The following KIAA1217 variants were observed in gnomAD, a reference collection of about 807,000 sequenced individuals.
The protein encoded by KIAA1217 is sickle tail protein homolog.
Under a neutral mutation model 163.9 loss-of-function variants are expected in KIAA1217, and 88 were observed. The observed-to-expected ratio is 0.54, with a 90% CI of 0.45 to 0.64. KIAA1217 has a LOEUF of 0.64. Among genes scored for constraint, KIAA1217 ranks in the 30% least tolerant of loss-of-function variants. The pLI is 0.00. For missense variants in KIAA1217, 2,372 were observed against 2,475.0 expected (o/e 0.96, Z 0.88); for synonymous variants, 903 against 923.1 (o/e 0.98, Z 0.39).
chr10:24,460,560 C>A (rs975978540), intron 5 of KIAA1217, among the ~76,000 whole-genome samples: 1 of 152,138 alleles, frequency 6.6e-6, no homozygotes, highest in African/African-American at 2.4e-5. Flanking sequence ...TTCCCTCAGA[C>A]AATCCTTTCT....
intron 9 of KIAA1217, among the ~76,000 whole-genome samples, chr10:24,509,382 C>T (rs1226231483): frequency 1.3e-5 from 2 of 152,182 alleles, no homozygotes; most frequent in Non-Finnish European, 2.9e-5. Context: ...CTCTTTAGTA[C>T]CCTCAGCAGG....
At chr10:24,235,884 C>T (rs368252427) in intron 2 of KIAA1217, among the ~76,000 whole-genome samples, 7 of 152,256 alleles carry the variant, frequency 4.6e-5, no homozygotes, top group African/African-American at 1.4e-4. Flanking sequence ...AGCATGGCTT[C>T]GTTTAGTTAG....
intron 1 of KIAA1217, among the ~76,000 whole-genome samples, chr10:24,000,592 AC>A (rs1274060812): frequency 1.3e-5 from 2 of 152,246 alleles, no homozygotes; most frequent in Non-Finnish European, 2.9e-5. Flanking sequence ...ATTGAGTAAC[AC>A]AATGTGTATC....
At position 24,546,810 on chromosome 10, in the gene KIAA1217, G is replaced by A. The variant is rs1322426017; in HGVS notation, c.*486G>A. ...AGCTTTATTACAGATTTCTATTTTTGTCAAAACTTCATGGTTCCTTTCAAG... is the reference window on the plus strand; with the variant it reads ...AGCTTTATTACAGATTTCTATTTTTATCAAAACTTCATGGTTCCTTTCAAG... On this transcript the variant is annotated 3_prime_UTR_variant, in exon 21 of 21. Transcript: ENST00000376454. 6.5e-6 allele frequency: 1 copy of A among 153,482 alleles called. No homozygotes were observed. Among genetic ancestry groups the A allele is most frequent in the Non-Finnish European group, 1.5e-5 (1 of 68,782 alleles). The allele number at this position is 153,482 out of a possible 1,614,324, so 9.5% of individuals were successfully genotyped here. A position where few individuals can be genotyped will look rare whatever the true frequency, so the allele number is the denominator to read the frequency against.
chr10:24,129,060 A>G (rs927990846), intron 2 of KIAA1217, among the ~76,000 whole-genome samples: 1 of 152,190 alleles, frequency 6.6e-6, no homozygotes, highest in African/African-American at 2.4e-5. Flanking sequence ...ACCTGAAGTC[A>G]TATGGGATGA....
intron 2 of KIAA1217, among the ~76,000 whole-genome samples, chr10:24,175,542 T>C (rs1282042008): frequency 1.3e-5 from 2 of 152,274 alleles, no homozygotes; most frequent in East Asian, 3.9e-4. Context: ...GCAAATGCCA[T>C]TCATTCATTC....
At chr10:24,001,857 A>G (rs1175771439) in intron 1 of KIAA1217, among the ~76,000 whole-genome samples, 1 of 152,180 alleles carries the variant, frequency 6.6e-6, no homozygotes, top group African/African-American at 2.4e-5. Context: ...TATGGTTTTC[A>G]CAGAAGAAAG....
chr10:24,039,149 G>A (rs1008044722), intron 2 of KIAA1217, among the ~76,000 whole-genome samples: 1 of 152,004 alleles, frequency 6.6e-6, no homozygotes, highest in African/African-American at 2.4e-5. Flanking sequence ...TTTTTTAGAG[G>A]TTCTCCAGCT....
chr10:24,545,415 G>T (rs1290865139), intron 20 of KIAA1217: 1 of 1,303,484 alleles, frequency 7.7e-7, no homozygotes, highest in African/African-American at 1.5e-5. Flanking sequence ...GGGAAGCAGA[G>T]ACAAACCAAC....
intron 2 of KIAA1217, among the ~76,000 whole-genome samples, chr10:24,251,625 G>A (rs2074549896): frequency 6.6e-6 from 1 of 151,922 alleles, no homozygotes; most frequent in African/African-American, 2.4e-5. Flanking sequence ...GTATTAAGAT[G>A]GGGCTCCCCC....
intron 16 of KIAA1217, among the ~76,000 whole-genome samples, 162 bp downstream of exon 16, chr10:24,533,399 C>A (rs1318646790): frequency 6.6e-6 from 1 of 152,248 alleles, no homozygotes; most frequent in Non-Finnish European, 1.5e-5. Flanking sequence ...CAAGATGGCG[C>A]TGAACAAGGC....
At chr10:23,818,016 TATATATACACAC>T (rs1837415748) in intron 1 of KIAA1217, among the ~76,000 whole-genome samples, 2 of 128,208 alleles carry the variant, frequency 1.6e-5, no homozygotes, top group African/African-American at 6.1e-5. Flanking sequence ...TATACACACA[TATATATACACAC>T]ATATATATAC....
intron 9 of KIAA1217, among the ~76,000 whole-genome samples, chr10:24,502,835 A>C (rs1297051885): frequency 6.6e-6 from 1 of 152,140 alleles, no homozygotes; most frequent in African/African-American, 2.4e-5. Flanking sequence ...TACTGAAAAA[A>C]AATTAGCCAG....
rs138164613 is a variant in KIAA1217, at chr10:24,273,880, G to C, written c.354+53971G>C. On this transcript the variant is annotated intron_variant, in intron 2 of 20. Transcript: ENST00000376454. ...AAAAAAAAAAAAAGTCCAAGTTACT[G>C]TTGCAGGGATTGGGACATCTTGCCT... Among the ~76,000 whole-genome samples, 150 of 151,254 alleles carry C rather than the reference G, an allele frequency of 9.9e-4. 2 individuals are homozygous for C. The highest frequency in any genetic ancestry group is 6.2e-3 in the East Asian group (32 of 5,140).
At position 23,695,744 on chromosome 10, in the gene KIAA1217, C is replaced by T. The variant is rs1042602578; in HGVS notation, c.-321+510C>T. On this transcript the variant is annotated intron_variant, in intron 1 of 18. Coordinates refer to the KIAA1217 transcript ENST00000376462. This position sits in a 1 kb window ranked among gnomAD's most constrained non-coding sequence, Gnocchi z 4.9. Reference sequence around the variant, plus strand: ...GGTGGGGACACTGGGGAGTTTGGAGCTGGGGGTTCGGAGTGGGAGGTTTGG... The same window carrying T: ...GGTGGGGACACTGGGGAGTTTGGAGTTGGGGGTTCGGAGTGGGAGGTTTGG... 5.9e-5 allele frequency among the ~76,000 whole-genome samples: 9 copies of T among 152,068 alleles called. No individual in the cohort carries two copies. Among genetic ancestry groups the T allele is most frequent in the African/African-American group, 1.7e-4 (7 of 41,422 alleles).
At chr10:23,755,834 C>G (rs76785674) in intron 1 of KIAA1217, among the ~76,000 whole-genome samples, 1 of 152,208 alleles carries the variant, frequency 6.6e-6, no homozygotes, top group Non-Finnish European at 1.5e-5. Context: ...TGAACCAGTA[C>G]TTTATTTCAC....
intron 2 of KIAA1217, among the ~76,000 whole-genome samples, chr10:24,251,843 C>T (rs1192216506): frequency 7.8e-6 from 1 of 128,106 alleles, no homozygotes; most frequent in Non-Finnish European, 1.6e-5. Context: ...TCCAAGTAAG[C>T]TTCTGCATCT....
rs1382616049 is a variant in KIAA1217 at position 24,080,428 on chromosome 10, G to A, written c.-171+73054G>A. On this transcript the variant is annotated intron_variant, in intron 2 of 18. Coordinates refer to the KIAA1217 transcript ENST00000376462. ...TTCAATGGCACATCTGTTTTCCTAAGCCATTAATGGATCCTTCCGGAAACA... is the reference window on the plus strand; with the variant it reads ...TTCAATGGCACATCTGTTTTCCTAAACCATTAATGGATCCTTCCGGAAACA... Among the ~76,000 whole-genome samples, 10 of 152,182 alleles carry A rather than the reference G, an allele frequency of 6.6e-5. No individual in the cohort carries two copies. The East Asian group carries it at 1.7e-3, about 26-fold the overall frequency.
Position 24,545,204 on chromosome 10 carries a change from G to A in KIAA1217, c.5334+101G>A, listed in dbSNP as rs540169354. ...TATTGTGCTTTCTTTGTAAGATAAC[G>A]GTTTACATAGACATCCTGGATCTGG... is the stretch of plus-strand genomic sequence containing the variant. On this transcript the variant is annotated intron_variant, in intron 20 of 20. Transcript: ENST00000376454. 5.7e-4 allele frequency: 869 copies of A among 1,527,242 alleles called. 1 individual carries two copies. The highest frequency in any genetic ancestry group is 6.8e-4 in the Non-Finnish European group (763 of 1,130,222). The allele number at this position is 1,527,242 out of a possible 1,614,324, so 94.6% of individuals were successfully genotyped here.
Sources: allele counts gnomAD v4.1 joint callset (sites outside exome capture counted in the v4.1 genomes callset), GRCh38; gene constraint gnomAD v4.1.1; non-coding constraint Gnocchi (gnomAD v3.1); transcripts MANE v1.5; gene names NCBI Gene and HGNC (gene_info 2026-07-23, HGNC 2026-07-21).